Variants in CELF6 observed in about 807,000 individuals in gnomAD.
The protein encoded by CELF6 is CUGBP Elav-like family member 6.
Under a neutral mutation model 53.1 loss-of-function variants are expected in CELF6, and 32 were observed. The ratio of observed to expected loss-of-function variants is 0.60; its 90% CI spans 0.46 to 0.81. The LOEUF (loss-of-function observed/expected upper bound fraction) is 0.81. CELF6 is among the 30% of genes least tolerant of loss of function. CELF6 has a pLI of 0.00. For missense variants in CELF6, 539 were observed against 669.5 expected, an observed-to-expected ratio of 0.81 and a Z score of 2.15; for synonymous variants, 291 against 288.8, an observed-to-expected ratio of 1.01 and a Z score of -0.08.
intron 2 of CELF6, among the ~76,000 whole-genome samples, chr15:72,307,067 G>A (rs990068235): frequency 6.6e-6 from 1 of 152,058 alleles, no homozygotes; most frequent in Non-Finnish European, 1.5e-5. Flanking sequence ...AGCCTGGGGT[G>A]GGGGGCAGTG....
intron 2 of CELF6, among the ~76,000 whole-genome samples, chr15:72,307,411 G>C (rs1434795767): frequency 6.6e-6 from 1 of 152,212 alleles, no homozygotes; most frequent in Non-Finnish European, 1.5e-5. Flanking sequence ...GTGATGATCT[G>C]TATGGGGATC....
In CELF6 at chr15:72,304,283, G is replaced by A. The variant is rs148178523; in HGVS notation, c.394+463C>T. 4.8e-3 allele frequency among the ~76,000 whole-genome samples: 726 copies of A among 152,222 alleles called. 6 individuals are homozygous for A. Among genetic ancestry groups the A allele is most frequent in the African/African-American group, 0.017 (699 of 41,526 alleles). ...CTTACTATGGCCCATAAAGTCTGTC[G>A]TACCAGCCTTATCTTTTACCATGAG... On this transcript the variant is annotated intron_variant, in intron 3 of 12. Transcript: ENST00000287202.
intron 2 of CELF6, among the ~76,000 whole-genome samples, chr15:72,314,388 T>C (rs891818739): frequency 1.4e-4 from 22 of 152,122 alleles, no homozygotes; most frequent in African/African-American, 5.3e-4. Flanking sequence ...TAGTACTTAT[T>C]GAGATCTTAC....
chr15:72,287,505 T>C (rs1275102857), intron 11 of CELF6, 113 bp from the exon 12 acceptor site: 4 of 1,143,996 alleles, frequency 3.5e-6, no homozygotes, highest in Non-Finnish European at 5.1e-6. Flanking sequence ...ATCAAACACA[T>C]ACCCCTCCAC....
rs2087919863 is a variant in CELF6, at chr15:72,286,251, T to C, written c.*120A>G. 1 of 152,648 alleles carries C rather than the reference T, an allele frequency of 6.6e-6. No individual in the cohort carries two copies. Among genetic ancestry groups the C allele is most frequent in the Non-Finnish European group, 1.5e-5 (1 of 68,072 alleles). The allele number at this position is 152,648 out of a possible 1,614,324, so 9.5% of individuals were successfully genotyped here. ...CTTAGCCCCAGGCACCAGCCTTGGG[T>C]CCGATCCACCTCCGTCCGCAGCTGC... On this transcript the variant is annotated 3_prime_UTR_variant, in exon 13 of 13. Transcript: ENST00000287202.
intron 3 of CELF6, among the ~76,000 whole-genome samples, chr15:72,299,718 T>A (rs148182984): frequency 3.9e-5 from 6 of 152,308 alleles, no homozygotes; most frequent in Non-Finnish European, 7.4e-5. Context: ...GATAGTTTCA[T>A]TTTAGAAAGT....
At chr15:72,287,110 T>C (rs2087932219) in intron 12 of CELF6, 127 bp downstream of exon 12, 2 of 808,030 alleles carry the variant, frequency 2.5e-6, no homozygotes, top group African/African-American at 1.7e-5. Context: ...TCCTAGCTCC[T>C]GGCTCTTCTC....
In CELF6 at chr15:72,286,128, G is replaced by A. The variant is rs2087917773; in HGVS notation, c.*243C>T. 6.6e-6 allele frequency: 1 copy of A among 152,610 alleles called. No homozygotes were observed. The highest frequency in any genetic ancestry group is 2.1e-4 in the South Asian group (1 of 4,836). The allele number at this position is 152,610 out of a possible 1,614,324, so 9.5% of individuals were successfully genotyped here. On this transcript the variant is annotated 3_prime_UTR_variant, in exon 13 of 13. Coordinates refer to ENST00000287202, the MANE Select transcript of CELF6 (RefSeq NM_052840.5). The stretch of plus-strand genomic sequence containing the variant: ...CCAACGCCCTCTGCTGGTTCCCCTG[G>A]ACAGTCACTCCTCACCAGCCCTATT...
intron 3 of CELF6, chr15:72,292,127 G>T: frequency 9.4e-7 from 1 of 1,061,012 alleles, no homozygotes; most frequent in Non-Finnish European, 1.4e-6. Context: ...GAGGGGTGGA[G>T]TTCATCTTGC....
intron 2 of CELF6, among the ~76,000 whole-genome samples, chr15:72,307,611 T>G (rs1473600657): frequency 6.6e-6 from 1 of 152,242 alleles, no homozygotes; most frequent in Admixed American, 6.5e-5. Context: ...ATCACTTGTC[T>G]AAGATCCCAT....
In CELF6 at chr15:72,289,533, T is replaced by A; in HGVS notation, c.748-26A>T. Reference sequence around the variant, plus strand: ...CTTTGAGAGGAAAGATGGGCGAGAGTGGAGGGCCAAGGGGCAGGCAGCTGC... The same window carrying A: ...CTTTGAGAGGAAAGATGGGCGAGAGAGGAGGGCCAAGGGGCAGGCAGCTGC... On this transcript the variant is annotated intron_variant, in intron 6 of 12. Transcript: ENST00000287202. This position sits in a 1 kb window ranked among gnomAD's most constrained non-coding sequence, Gnocchi z 7.6. The A allele has an allele frequency of 6.7e-7, 1 of 1,501,504 alleles. No individual in the cohort carries two copies. The highest frequency in any genetic ancestry group is 2.5e-5 in the East Asian group (1 of 39,708). 93.0% of individuals were successfully genotyped at this position (1,501,504 alleles called of 1,614,324 possible).
chr15:72,306,990 A>G (rs1310479794), intron 2 of CELF6, among the ~76,000 whole-genome samples: 1 of 150,914 alleles, frequency 6.6e-6, no homozygotes, highest in African/African-American at 2.4e-5. Flanking sequence ...GAGGAGAGGA[A>G]GGGTAAGGAA....
intron 12 of CELF6, among the ~76,000 whole-genome samples, chr15:72,287,015 G>T (rs952561171): frequency 7.2e-5 from 11 of 152,188 alleles, no homozygotes; most frequent in Non-Finnish European, 1.6e-4. Context: ...GACTCTGATT[G>T]TCTCTCCTAG....
At chr15:72,311,723 G>C (rs186458701) in intron 2 of CELF6, among the ~76,000 whole-genome samples, 103 of 152,266 alleles carry the variant, frequency 6.8e-4, no homozygotes, top group Non-Finnish European at 1.2e-3. Flanking sequence ...TTTTTAAGAA[G>C]CATCTTGAGG....
At chr15:72,313,933 G>A (rs1342780753) in intron 2 of CELF6, among the ~76,000 whole-genome samples, 3 of 152,134 alleles carry the variant, frequency 2.0e-5, no homozygotes, top group Admixed American at 6.5e-5. Flanking sequence ...ATTTAACCAC[G>A]ACAACAACCC....
Position 72,288,568 on chromosome 15 carries a change from G to A in CELF6, c.1144C>T (p.Pro382Ser), listed in dbSNP as rs2087952036. 1 of 1,591,028 alleles carries A rather than the reference G, an allele frequency of 6.3e-7. No individual in the cohort carries two copies. The highest frequency in any genetic ancestry group is 1.1e-5 in the South Asian group (1 of 87,046). The change falls in exon 10 of 13, where the codon CCT becomes TCT. Residue 382 changes from proline (P) to serine (S), a missense_variant. This residue lies in a region of CELF6 where 358 missense variants were observed against 412.8 expected (regional missense o/e 0.87). Coordinates refer to ENST00000287202, the MANE Select transcript of CELF6 (RefSeq NM_052840.5). The surrounding 1 kb of genome is among the most constrained non-coding windows in gnomAD (Gnocchi z 4.6). ...CTCTGCTGCTGGGGCAGGGCTGAAG[G>A]CTGCTGGGGAAAAGCTGTGCTCACT... Reference protein sequence around the residue: ...APVSTAFPQQPSALPQQQREG... With the variant: ...APVSTAFPQQSSALPQQQREG...
At chr15:72,287,435 G>T (rs1352444246) in intron 11 of CELF6, 43 bp from the exon 12 acceptor site, 4 of 1,610,038 alleles carry the variant, frequency 2.5e-6, no homozygotes, top group Non-Finnish European at 2.5e-6. Flanking sequence ...ACTCTGCCTA[G>T]CAGGGCCTCC....
Position 72,287,383 on chromosome 15 carries a change from C to T in CELF6, c.1328G>A (p.Ser443Asn). The T allele has an allele frequency of 6.2e-7, 1 of 1,614,076 alleles. No individual in the cohort carries two copies. The highest frequency in any genetic ancestry group is 8.5e-7 in the Non-Finnish European group (1 of 1,179,944). Reference sequence around the variant, plus strand: ...CTGGGCACTAGTTGGATTGTCAAAACTAACAAACCCTGGAGGGTGTGGGCA... The same window carrying T: ...CTGGGCACTAGTTGGATTGTCAAAATTAACAAACCCTGGAGGGTGTGGGCA... ...TNQSKCFGFV[S>N]FDNPTSAQTA... Residue 443 changes from serine to asparagine, a missense_variant, in exon 12 of 13, where the codon AGT (serine) becomes AAT (asparagine). This residue lies in a region of CELF6 where 358 missense variants were observed against 412.8 expected (regional missense o/e 0.87). Coordinates refer to ENST00000287202, the MANE Select transcript of CELF6 (RefSeq NM_052840.5).
chr15:72,296,407 G>A (rs1183331617), intron 3 of CELF6, among the ~76,000 whole-genome samples: 1 of 152,042 alleles, frequency 6.6e-6, no homozygotes, highest in African/African-American at 2.4e-5. Context: ...ACTTTAACAA[G>A]GATCTATTGG....
Sources: gnomAD v4.1 joint callset for allele counts (sites outside exome capture counted in the v4.1 genomes callset) on GRCh38, gnomAD v4.1.1 for gene constraint, gnomAD v4.1.1 regional missense constraint, Gnocchi (gnomAD v3.1) non-coding constraint, MANE v1.5 for transcripts, NCBI Gene and HGNC (gene_info 2026-07-23, HGNC 2026-07-21) for gene names.